The following POLE variants were observed in gnomAD, a reference collection of about 807,000 sequenced individuals.
POLE encodes the protein DNA polymerase epsilon, catalytic subunit.
POLE carries 188 observed loss-of-function variants against 279.2 expected under a neutral mutation model. The ratio of observed to expected loss-of-function variants is 0.67; its 90% CI spans 0.60 to 0.76. POLE has a LOEUF of 0.76. POLE is among the 30% of genes least tolerant of loss of function. The pLI, the probability that POLE is intolerant of heterozygous loss-of-function variation, is 0.00. For missense variants in POLE, 2,703 were observed against 3,016.7 expected, an observed-to-expected ratio of 0.90 and a Z score of 2.44; for synonymous variants, 1,214 against 1,172.5, an observed-to-expected ratio of 1.04 and a Z score of -0.72.
At chr12:132,625,588 C>A (rs947999803) in intron 47 of POLE, 57 bp downstream of exon 47, 7 of 1,599,888 alleles carry the variant, frequency 4.4e-6, no homozygotes, top group Non-Finnish European at 6.0e-6. Flanking sequence ...CCCGGGAGTG[C>A]ACAGAAACCC....
chr12:132,643,325 T>G lies in POLE; in HGVS notation c.4450A>C (p.Ile1484Leu), dbSNP rs772734618. Reference sequence around the variant, plus strand: ...TGGTGGTACAGGTAGATATGGCGGATACTCCCTGGAGAAGGAAACAAGACC... The same window carrying G: ...TGGTGGTACAGGTAGATATGGCGGAGACTCCCTGGAGAAGGAAACAAGACC... ...AQFSYLEPGS[I>L]RHIYLYHHAQ... Residue 1484 changes from isoleucine (I) to leucine (L), a missense_variant, in exon 35 of 49, where the codon ATC becomes CTC. By Grantham distance (5) the Ile-to-Leu change is conservative. This residue lies in a region of POLE where 1,551 missense variants were observed against 1,686.1 expected (regional missense o/e 0.92). Coordinates refer to ENST00000320574, the MANE Select transcript of POLE (RefSeq NM_006231.4). The G allele has an allele frequency of 2.6e-5, 42 of 1,613,902 alleles. No homozygotes were observed. Among genetic ancestry groups the G allele is most frequent in the Non-Finnish European group, 2.5e-6 (3 of 1,180,004 alleles).
Position 132,673,205 on chromosome 12 carries a change from T to C in POLE, c.1432A>G (p.Ile478Val), listed in dbSNP as rs1195703002. Reference sequence around the variant, plus strand: ...GGAATAATGGTGCACAGAGCAAAGATGAATGGGTGGACGTACTTCATGTAC... The same window carrying C: ...GGAATAATGGTGCACAGAGCAAAGACGAATGGGTGGACGTACTTCATGTAC... Reference protein sequence around the residue: ...YLYMKYVHPFIFALCTIIPME... With the variant: ...YLYMKYVHPFVFALCTIIPME... The change falls in exon 14 of 49, where the codon ATC (isoleucine) becomes GTC (valine). Residue 478 changes from isoleucine (I) to valine (V), a missense_variant. Ile to Val is a conservative substitution (Grantham distance 29). Coordinates refer to ENST00000320574, the MANE Select transcript of POLE (RefSeq NM_006231.4). The C allele has an allele frequency of 6.2e-7, 1 of 1,613,582 alleles. No individual in the cohort carries two copies. The highest frequency in any genetic ancestry group is 8.5e-7 in the Non-Finnish European group (1 of 1,179,548).
At chr12:132,662,987 A>C (rs1391280552) in intron 23 of POLE, among the ~76,000 whole-genome samples, 2 of 152,254 alleles carry the variant, frequency 1.3e-5, no homozygotes, top group African/African-American at 4.8e-5. Context: ...TGAAGGAAAC[A>C]GACAATCGCC....
rs978511541 is a variant in POLE, at chr12:132,680,346, T to C, written c.286-124A>G. 8 of 876,508 alleles carry C rather than the reference T, an allele frequency of 9.1e-6. No homozygotes were observed. In the African/African-American group the frequency reaches 1.3e-4, roughly 15 times the overall value. The allele number at this position is 876,508 out of a possible 1,614,324, so 54.3% of individuals were successfully genotyped here. On this transcript the variant is annotated intron_variant, in intron 3 of 48. Coordinates refer to ENST00000320574, the MANE Select transcript of POLE (RefSeq NM_006231.4). ...AGGGCCAGGGTAGCCTTGACCTTGG[T>C]AGCATACAGGAAGTCAGAATGCGCA...
chr12:132,638,910 G>C (rs1332045415), intron 40 of POLE: 1 of 573,800 alleles, frequency 1.7e-6, no homozygotes, highest in African/African-American at 1.9e-5. Context: ...GGGCAGGAGA[G>C]GAGGTGCCAC....
At chr12:132,680,518 T>C in intron 3 of POLE, 89 bp downstream of exon 3, 3 of 1,039,296 alleles carry the variant, frequency 2.9e-6, no homozygotes, top group Non-Finnish European at 1.5e-6. Context: ...TGCTGTGCAC[T>C]GGAAGCCTCC....
chr12:132,653,875 A>G (rs559254423), intron 29 of POLE, among the ~76,000 whole-genome samples: 6 of 152,324 alleles, frequency 3.9e-5, no homozygotes, highest in African/African-American at 1.4e-4. Context: ...ACATGAGCAG[A>G]TGTTAAAGTT....
At chr12:132,641,947 A>G (rs957203244) in intron 38 of POLE, 96 bp from the exon 39 acceptor site, 54 of 1,223,330 alleles carry the variant, frequency 4.4e-5, no homozygotes, top group Admixed American at 1.2e-4. Flanking sequence ...CTCCAGAACC[A>G]GCAACAGACC....
chr12:132,630,579 G>A (rs1461091690), intron 45 of POLE, among the ~76,000 whole-genome samples: 3 of 151,934 alleles, frequency 2.0e-5, no homozygotes, highest in African/African-American at 4.8e-5. Context: ...GTGAAACTCC[G>A]TCTCCACTAA....
chr12:132,656,391 C>T (rs1425061753), intron 29 of POLE, among the ~76,000 whole-genome samples: 2 of 151,468 alleles, frequency 1.3e-5, no homozygotes, highest in African/African-American at 4.9e-5. Flanking sequence ...GACGGAGTCT[C>T]GCTCTGTCGC....
At position 132,680,495 on chromosome 12, in the gene POLE, CTGGGCTA is replaced by C; in HGVS notation, c.285+105_285+111del. 5 of 844,322 alleles carry C rather than the reference CTGGGCTA, an allele frequency of 5.9e-6. 1 individual carries two copies. In the South Asian group the frequency reaches 7.6e-5, roughly 13 times the overall value. 52.3% of individuals were successfully genotyped at this position (844,322 alleles called of 1,614,324 possible). On this transcript the variant is annotated intron_variant, in intron 3 of 48. Coordinates refer to ENST00000320574, the MANE Select transcript of POLE (RefSeq NM_006231.4). ...GGGGCCTCCAGGGGCCCGAGTTCTG[CTGGGCTA>C]TGGGCTGCTGTGCACTGGAAGCCTC...
chr12:132,632,848 C>A, intron 43 of POLE, 53 bp from the exon 44 acceptor site: 1 of 1,538,956 alleles, frequency 6.5e-7, no homozygotes, highest in Non-Finnish European at 8.7e-7. Flanking sequence ...TGCAAACACC[C>A]TAGAATCTGA....
chr12:132,658,900 A>AAAAAAAAAAAAAAAAAAAAGG (rs1478743183), intron 26 of POLE, among the ~76,000 whole-genome samples: 1 of 150,860 alleles, frequency 6.6e-6, no homozygotes, highest in African/African-American at 2.4e-5. Context: ...AAAAAAAAAA[A>AAAAAAAAAAAAAAAAAAAAGG]AAAAAAAAGA....
Position 132,661,247 on chromosome 12 carries a change from C to T in POLE, c.2865-83G>A. ...GCTGTGCCTCATCCTCTCTGCCCGC[C>T]TCTTCCCTTTCCAACCCTCCACCTG... is the stretch of plus-strand genomic sequence containing the variant. On this transcript the variant is annotated intron_variant, in intron 24 of 48. Transcript: ENST00000320574. The surrounding 1 kb of genome is among the most constrained non-coding windows in gnomAD (Gnocchi z 4.1). 7.7e-7 allele frequency: 1 copy of T among 1,299,612 alleles called. No homozygotes were observed. Among genetic ancestry groups the T allele is most frequent in the South Asian group, 1.4e-5 (1 of 70,658 alleles). The allele number at this position is 1,299,612 out of a possible 1,614,324, so 80.5% of individuals were successfully genotyped here. A position where few individuals can be genotyped will look rare whatever the true frequency, so the allele number is the denominator to read the frequency against.
chr12:132,644,014 TA>T, intron 32 of POLE, 37 bp from the exon 33 acceptor site: 1 of 1,600,952 alleles, frequency 6.2e-7, no homozygotes, highest in Non-Finnish European at 8.5e-7. Flanking sequence ...TCACTGGGCG[TA>T]AGTGGTAATG....
chr12:132,658,060 G>A, intron 26 of POLE, 90 bp from the exon 27 acceptor site: 1 of 845,246 alleles, frequency 1.2e-6, no homozygotes, highest in Non-Finnish European at 2.0e-6. Flanking sequence ...ATGGAAATAA[G>A]GACGTGTAAC....
intron 41 of POLE, among the ~76,000 whole-genome samples, chr12:132,637,660 C>T (rs960395012): frequency 3.3e-5 from 5 of 152,230 alleles, no homozygotes; most frequent in African/African-American, 1.2e-4. Flanking sequence ...TATGAAAAGG[C>T]TTACAACGTC....
intron 45 of POLE, among the ~76,000 whole-genome samples, chr12:132,628,697 T>C (rs1234489047): frequency 6.6e-6 from 1 of 151,852 alleles, no homozygotes; most frequent in Non-Finnish European, 1.5e-5. Context: ...AAAAACTACT[T>C]TACTGCTCAT....
In POLE at chr12:132,643,821, G is replaced by C. The variant is rs2138557753; in HGVS notation, c.4290+16C>G. 6.2e-7 allele frequency: 1 copy of C among 1,610,828 alleles called. No homozygotes were observed. Among genetic ancestry groups the C allele is most frequent in the Non-Finnish European group, 8.5e-7 (1 of 1,177,410 alleles). Reference sequence around the variant, plus strand: ...GGAGCCTCCCCCAGTTCAGTCGAGGGTGGCTGGGGAGTCACCTGAGTCTCA... The same window carrying C: ...GGAGCCTCCCCCAGTTCAGTCGAGGCTGGCTGGGGAGTCACCTGAGTCTCA... On this transcript the variant is annotated intron_variant, in intron 33 of 48. Coordinates refer to ENST00000320574, the MANE Select transcript of POLE (RefSeq NM_006231.4).
Sources: gnomAD v4.1 joint callset for allele counts (sites outside exome capture counted in the v4.1 genomes callset) on GRCh38, gnomAD v4.1.1 for gene constraint, gnomAD v4.1.1 regional missense constraint, Gnocchi (gnomAD v3.1) non-coding constraint, MANE v1.5 for transcripts, NCBI Gene and HGNC (gene_info 2026-07-23, HGNC 2026-07-21) for gene names.